NLN: variants seen among roughly 807,000 people sequenced by gnomAD.
The protein encoded by NLN is neurolysin, mitochondrial.
A neutral mutation model predicts 79.9 loss-of-function variants in NLN; 64 were observed. That is an observed-to-expected ratio of 0.80 (90% CI 0.65 to 0.99). The LOEUF is 0.99. Among genes scored for constraint, NLN ranks in the 50% least tolerant of loss-of-function variants. The pLI is 0.00. For synonymous variants in NLN, 267 were observed against 296.6 expected (o/e 0.90, Z 1.02); for missense variants, 835 against 858.7 (o/e 0.97, Z 0.34).
Position 65,788,382 on chromosome 5 carries a change from T to A in NLN, c.1223T>A (p.Met408Lys). ...TTGTTGGGACTTTCATTTGAACAAA[T>A]GACAGATGCTCATGTTTGGAACAAG... is the stretch of plus-strand genomic sequence containing the variant. ...QELLGLSFEQ[M>K]TDAHVWNKSV... Residue 408 changes from methionine to lysine, a missense_variant, in exon 8 of 13, where the codon ATG becomes AAG. Transcript: ENST00000380985. 1 of 1,614,132 alleles carries A rather than the reference T, an allele frequency of 6.2e-7. No individual in the cohort carries two copies.
At chr5:65,740,825 A>ATT (rs397883663) in intron 1 of NLN, 1 of 143,570 alleles carries the variant, frequency 7.0e-6, no homozygotes, top group African/African-American at 2.6e-5. Context: ...ATATATATAT[A>ATT]TTTTATATAT....
At chr5:65,725,332 G>A (rs914734409) in intron 1 of NLN, among the ~76,000 whole-genome samples, 3 of 152,128 alleles carry the variant, frequency 2.0e-5, no homozygotes, top group Admixed American at 6.5e-5. Flanking sequence ...TTGACAAATC[G>A]TAGCTTTTTA....
intron 11 of NLN, 128 bp from the exon 12 acceptor site, chr5:65,812,127 A>G (rs1760560855): frequency 1.3e-6 from 1 of 752,112 alleles, no homozygotes; most frequent in African/African-American, 1.8e-5. Context: ...AAGGAGTACT[A>G]GAGGTGAGAT....
At chr5:65,777,354 C>T in intron 3 of NLN, 73 bp from the exon 4 acceptor site, 2 of 950,012 alleles carry the variant, frequency 2.1e-6, no homozygotes, top group South Asian at 2.7e-5. Context: ...AATAAATTTG[C>T]TGTGGCCTCA....
chr5:65,781,443 C>T, intron 6 of NLN, 22 bp downstream of exon 6: 2 of 1,554,370 alleles, frequency 1.3e-6, no homozygotes, highest in Non-Finnish European at 1.8e-6. Context: ...GTTTGTCTTT[C>T]TTTTGTTTTT....
At chr5:65,800,918 C>T (rs1320737896) in intron 9 of NLN, among the ~76,000 whole-genome samples, 3 of 151,946 alleles carry the variant, frequency 2.0e-5, no homozygotes, top group African/African-American at 4.8e-5. Flanking sequence ...ATCTTGAACT[C>T]CTGAGCTCAA....
At chr5:65,776,678 A>T (rs962754323) in intron 3 of NLN, among the ~76,000 whole-genome samples, 4 of 152,298 alleles carry the variant, frequency 2.6e-5, no homozygotes, top group Admixed American at 2.6e-4. Flanking sequence ...CTTTAGAGAA[A>T]CATCTGGTGT....
intron 9 of NLN, among the ~76,000 whole-genome samples, chr5:65,800,048 A>G (rs1347474995): frequency 6.6e-6 from 1 of 152,240 alleles, no homozygotes; most frequent in African/African-American, 2.4e-5. Flanking sequence ...AGCCAATGTC[A>G]GGTCTCCTGA....
In NLN at chr5:65,739,012, T is replaced by TAAAA. The variant is rs1473631456; in HGVS notation, c.41+16598_41+16599insAAAA. On this transcript the variant is annotated intron_variant, in intron 1 of 12. Transcript: ENST00000380985. ...TTTATATATATTTTATAATATATAT[T>TAAAA]TATATATATAAATATATAATATATA... 5.6e-3 allele frequency among the ~76,000 whole-genome samples: 643 copies of TAAAA among 114,808 alleles called. 10 individuals carry two copies. The highest frequency in any genetic ancestry group is 0.021 in the African/African-American group (610 of 28,848). 75.3% of individuals were successfully genotyped at this position (114,808 alleles called of 152,430 possible).
intron 3 of NLN, among the ~76,000 whole-genome samples, chr5:65,764,800 C>T (rs1759417347): frequency 6.6e-6 from 1 of 152,144 alleles, no homozygotes; most frequent in Non-Finnish European, 1.5e-5. Context: ...GCTAACTCTA[C>T]ATCAGGATAA....
intron 6 of NLN, among the ~76,000 whole-genome samples, chr5:65,785,499 A>G (rs1759899178): frequency 6.6e-6 from 1 of 151,998 alleles, no homozygotes; most frequent in Non-Finnish European, 1.5e-5. Context: ...CCTTAAAAAT[A>G]TATTTTCACT....
intron 1 of NLN, among the ~76,000 whole-genome samples, chr5:65,753,718 T>G (rs1759153815): frequency 6.6e-6 from 1 of 151,922 alleles, no homozygotes; most frequent in African/African-American, 2.4e-5. Flanking sequence ...TGGTTTATAC[T>G]AAGAGGAGTG....
intron 3 of NLN, among the ~76,000 whole-genome samples, chr5:65,769,129 G>A (rs142233420): frequency 2.2e-4 from 34 of 152,340 alleles, no homozygotes; most frequent in African/African-American, 7.5e-4. Context: ...GTGCTGTCAC[G>A]GAAGTCACAT....
At chr5:65,727,573 A>G (rs1758506948) in intron 1 of NLN, among the ~76,000 whole-genome samples, 1 of 152,162 alleles carries the variant, frequency 6.6e-6, no homozygotes, top group Admixed American at 6.5e-5. Context: ...ATAGCAAACC[A>G]GGAGAATTCC....
At position 65,792,474 on chromosome 5, in the gene NLN, C is replaced by A. The variant is rs780180376; in HGVS notation, c.1346C>A (p.Ala449Glu). 3 of 1,613,524 alleles carry A rather than the reference C, an allele frequency of 1.9e-6. No individual in the cohort carries two copies. The East Asian group carries it at 6.7e-5, about 36-fold the overall frequency. ...LYPREGKYNH[A>E]ACFGLQPGCL... ...CCTAGGGAAGGAAAATACAATCATG[C>A]GGCCTGCTTCGGTCTCCAGCCTGGC... Residue 449 changes from alanine to glutamate, a missense_variant, in exon 9 of 13, where the codon GCG becomes GAG. Physicochemically the swap from Ala to Glu is moderately radical, Grantham distance 107 (BLOSUM62 -1). Coordinates refer to ENST00000380985, the MANE Select transcript of NLN (RefSeq NM_020726.5).
chr5:65,756,773 G>A (rs1759229582), intron 1 of NLN, among the ~76,000 whole-genome samples: 1 of 152,104 alleles, frequency 6.6e-6, no homozygotes, highest in South Asian at 2.1e-4. Context: ...AAAATGTTGG[G>A]ATTATAGGCA....
chr5:65,802,031 T>G (rs565553908), intron 9 of NLN, among the ~76,000 whole-genome samples: 1 of 152,326 alleles, frequency 6.6e-6, no homozygotes, highest in East Asian at 1.9e-4. Flanking sequence ...AGTACCTATT[T>G]AAAAACCATC....
At chr5:65,743,166 G>C (rs925865321) in intron 1 of NLN, among the ~76,000 whole-genome samples, 3 of 152,190 alleles carry the variant, frequency 2.0e-5, no homozygotes, top group African/African-American at 7.2e-5. Flanking sequence ...TGCTGGTATA[G>C]CTATGGCTAG....
intron 3 of NLN, among the ~76,000 whole-genome samples, 187 bp from the exon 4 acceptor site, chr5:65,777,240 T>C (rs1026300095): frequency 5.9e-5 from 9 of 152,258 alleles, no homozygotes; most frequent in African/African-American, 2.2e-4. Flanking sequence ...TTAATGTTTC[T>C]GTTTTAAATG....
Sources: allele counts gnomAD v4.1 joint callset (sites outside exome capture counted in the v4.1 genomes callset), GRCh38; gene constraint gnomAD v4.1.1; transcripts MANE v1.5; gene names NCBI Gene and HGNC (gene_info 2026-07-23, HGNC 2026-07-21).